Variants in NIPBL observed in about 807,000 individuals in gnomAD.
NIPBL encodes nipped-B-like protein.
A neutral mutation model predicts 321.8 loss-of-function variants in NIPBL; 19 were observed. The observed-to-expected ratio is 0.06, with a 90% CI of 0.04 to 0.09. The LOEUF (loss-of-function observed/expected upper bound fraction) is 0.09, where lower values mean the gene tolerates loss of function less well. Among genes scored for constraint, NIPBL ranks in the 10% least tolerant of loss-of-function variants. The pLI, the probability that NIPBL is intolerant of heterozygous loss-of-function variation, is 1.00. For synonymous variants in NIPBL, 1,106 were observed against 1,114.1 expected (o/e 0.99, Z 0.14); for missense variants, 2,210 against 3,327.0 (o/e 0.66, Z 8.26).
At chr5:36,893,449 G>GT (rs993892400) in intron 1 of NIPBL, among the ~76,000 whole-genome samples, 1 of 151,494 alleles carries the variant, frequency 6.6e-6, no homozygotes, top group African/African-American at 2.4e-5. Flanking sequence ...ACTTCATTTT[G>GT]TTTTTTGGCT....
intron 1 of NIPBL, among the ~76,000 whole-genome samples, chr5:36,902,971 A>G (rs1189036189): frequency 6.6e-6 from 1 of 152,126 alleles, no homozygotes; most frequent in Non-Finnish European, 1.5e-5. Flanking sequence ...TTCTCATTGT[A>G]GAGATCTTTC....
At position 36,985,436 on chromosome 5, in the gene NIPBL, A is replaced by G. The variant is rs148075057; in HGVS notation, c.2256A>G (p.Glu752=). The change falls in exon 10 of 47, where the codon GAA becomes GAG. Residue 752 remains glutamate, a synonymous_variant. Coordinates refer to ENST00000282516, the MANE Select transcript of NIPBL (RefSeq NM_133433.4). ...SRPETPKQKN[E]GRPETPKHRH... is the part of the protein sequence containing the mutation. ...CTGAAACTCCAAAGCAAAAAAATGA[A>G]GGGCGACCTGAAACACCAAAACACA... 1.5e-4 allele frequency: 250 copies of G among 1,613,708 alleles called. 1 individual carries two copies. The African/African-American group carries it at 3.1e-3, about 20-fold the overall frequency.
At chr5:37,038,982 A>G (rs1048362833) in intron 34 of NIPBL, among the ~76,000 whole-genome samples, 3 of 152,174 alleles carry the variant, frequency 2.0e-5, no homozygotes, top group African/African-American at 4.8e-5. Flanking sequence ...TGTTATAGCT[A>G]TTGTTAAGAT....
chr5:36,888,787 T>TA (rs1323223284), intron 1 of NIPBL, among the ~76,000 whole-genome samples: 1 of 152,124 alleles, frequency 6.6e-6, no homozygotes, highest in Non-Finnish European at 1.5e-5. Flanking sequence ...TGCTTGAAAT[T>TA]ATTAGTTTAA....
intron 1 of NIPBL, among the ~76,000 whole-genome samples, chr5:36,901,329 C>A (rs566040925): frequency 1.3e-5 from 2 of 152,138 alleles, no homozygotes; most frequent in Admixed American, 1.3e-4. Context: ...ACCATATTTT[C>A]TTTATCCAGT....
At chr5:36,916,285 A>G (rs1300356463) in intron 1 of NIPBL, among the ~76,000 whole-genome samples, 1 of 152,144 alleles carries the variant, frequency 6.6e-6, no homozygotes, top group Non-Finnish European at 1.5e-5. Flanking sequence ...TTTCACAGTT[A>G]CTTACTAACT....
Position 37,046,133 on chromosome 5 carries a change from G to T in NIPBL, c.6523G>T (p.Glu2175Ter). ...SKVNIKDKVLELLMYFTKHSD... is the reference protein window; with the variant it reads ...SKVNIKDKVL ...GGTTAACATAAAAGATAAAGTACTTGAACTATTGATGTATTTTACAAAACA... is the reference window on the plus strand; with the variant it reads ...GGTTAACATAAAAGATAAAGTACTTTAACTATTGATGTATTTTACAAAACA... Residue 2175 changes from glutamate (E) to a stop codon, truncating the protein, a stop_gained, in exon 38 of 47, where the codon GAA (glutamate) becomes TAA (stop). Transcript: ENST00000282516. LOFTEE classifies it high-confidence loss of function. 6.4e-7 allele frequency: 1 copy of T among 1,556,194 alleles called. No individual in the cohort carries two copies. Among genetic ancestry groups the T allele is most frequent in the South Asian group, 1.1e-5 (1 of 89,866 alleles).
intron 30 of NIPBL, among the ~76,000 whole-genome samples, chr5:37,025,288 T>G (rs1294526324): frequency 6.6e-6 from 1 of 152,186 alleles, no homozygotes; most frequent in Non-Finnish European, 1.5e-5. Flanking sequence ...ATTTATTGAT[T>G]GTTATTATAA....
chr5:36,923,384 A>G (rs1385197867), intron 1 of NIPBL, among the ~76,000 whole-genome samples: 2 of 152,060 alleles, frequency 1.3e-5, no homozygotes, highest in African/African-American at 2.4e-5. Context: ...TGAGATATAT[A>G]TATATTTTTT....
intron 9 of NIPBL, among the ~76,000 whole-genome samples, chr5:36,978,058 GATAAA>G (rs1489195217): frequency 6.6e-6 from 1 of 151,932 alleles, no homozygotes; most frequent in Non-Finnish European, 1.5e-5. Context: ...ATAGTGCTGT[GATAAA>G]CATATGAGTG....
At position 37,022,366 on chromosome 5, in the gene NIPBL, T is replaced by C. The variant is rs757029751; in HGVS notation, c.5550T>C (p.Tyr1850=). 1.9e-6 allele frequency: 3 copies of C among 1,609,718 alleles called. No homozygotes were observed. The highest frequency in any genetic ancestry group is 2.2e-5 in the East Asian group (1 of 44,770). Residue 1850 remains tyrosine, a synonymous_variant, in exon 29 of 47, where the codon TAT becomes TAC. Coordinates refer to ENST00000282516, the MANE Select transcript of NIPBL (RefSeq NM_133433.4). ...GACCTCAGCTTGCTGAACAGTATTATGATATGCTGATTGAAAGAATATTGG... is the reference window on the plus strand; with the variant it reads ...GACCTCAGCTTGCTGAACAGTATTACGATATGCTGATTGAAAGAATATTGG... ...LCRPQLAEQY[Y]DMLIERILDT...
At position 37,045,312 on chromosome 5, in the gene NIPBL, T is replaced by C. The variant is rs1752859538; in HGVS notation, c.6344-131T>C. ...GAGGTTGCAGTGAGCCAAGATCATG[T>C]CACTGCACTCCAGCCTGGGTGACAG... is the stretch of plus-strand genomic sequence containing the variant. On this transcript the variant is annotated intron_variant, in intron 36 of 46. Transcript: ENST00000282516. The C allele has an allele frequency of 6.1e-6, 4 of 651,620 alleles. No homozygotes were observed. In the South Asian group the frequency reaches 8.0e-5, roughly 13 times the overall value. The allele number at this position is 651,620 out of a possible 1,614,324, so 40.4% of individuals were successfully genotyped here.
At chr5:36,924,276 GATTA>G (rs1363062029) in intron 1 of NIPBL, among the ~76,000 whole-genome samples, 6 of 152,116 alleles carry the variant, frequency 3.9e-5, no homozygotes, top group African/African-American at 1.4e-4. Context: ...AATTATGGAT[GATTA>G]ATAAAATGTT....
In NIPBL at chr5:37,016,275, A is replaced by G. The variant is rs1748980109; in HGVS notation, c.4776+105A>G. The G allele has an allele frequency of 1.2e-5, 14 of 1,143,404 alleles. No individual in the cohort carries two copies. The South Asian group carries it at 1.7e-4, about 14-fold the overall frequency. The allele number at this position is 1,143,404 out of a possible 1,614,324, so 70.8% of individuals were successfully genotyped here. ...ATTCTTTAAAAATGTGTAAGGAAAT[A>G]TGAACATTGCATCTCTTTTTGCATG... On this transcript the variant is annotated intron_variant, in intron 23 of 46. Transcript: ENST00000282516.
chr5:36,908,112 T>C (rs1747777387), intron 1 of NIPBL, among the ~76,000 whole-genome samples: 1 of 152,196 alleles, frequency 6.6e-6, no homozygotes, highest in African/African-American at 2.4e-5. Context: ...GATTCATAAA[T>C]ATTTAATGGC....
intron 1 of NIPBL, among the ~76,000 whole-genome samples, chr5:36,906,132 A>G (rs1007143544): frequency 6.6e-6 from 1 of 152,178 alleles, no homozygotes; most frequent in African/African-American, 2.4e-5. Context: ...TAAAACATCA[A>G]TACATCATGA....
At chr5:36,878,338 A>G (rs1480327936) in intron 1 of NIPBL, among the ~76,000 whole-genome samples, 2 of 152,202 alleles carry the variant, frequency 1.3e-5, no homozygotes, top group Non-Finnish European at 2.9e-5. Flanking sequence ...GAAAAATATC[A>G]GTTCTAACTT....
In NIPBL at chr5:36,955,461, A is replaced by C. The variant is rs745647197; in HGVS notation, c.65-11A>C. The C allele has an allele frequency of 1.2e-6, 2 of 1,611,086 alleles. No individual in the cohort carries two copies. Among genetic ancestry groups the C allele is most frequent in the East Asian group, 4.5e-5 (2 of 44,832 alleles). On this transcript the variant is annotated splice_polypyrimidine_tract_variant and intron_variant, in intron 2 of 46. Transcript: ENST00000282516. ...ACTCAATTTCTAATAATCTGATTTT[A>C]TTCCAAATAGTCCTGAACCAGCTGC...
chr5:37,001,068 T>C lies in NIPBL; in HGVS notation c.3654T>C (p.Phe1218=). The change falls in exon 14 of 47, where the codon TTT becomes TTC. Residue 1218 remains phenylalanine, a synonymous_variant. Transcript: ENST00000282516. ...NILDNLEDMD[F]TAFGDDDEIP... is the part of the protein sequence containing the mutation. ...TGGATAATTTGGAAGATATGGATTTTACTGCGTTTGGTAAAATCAACTTAA... is the reference window on the plus strand; with the variant it reads ...TGGATAATTTGGAAGATATGGATTTCACTGCGTTTGGTAAAATCAACTTAA... 6.2e-7 allele frequency: 1 copy of C among 1,603,762 alleles called. No individual in the cohort carries two copies. Among genetic ancestry groups the C allele is most frequent in the South Asian group, 1.1e-5 (1 of 90,856 alleles).
Sources: gnomAD v4.1 joint callset for allele counts (sites outside exome capture counted in the v4.1 genomes callset) on GRCh38, gnomAD v4.1.1 for gene constraint, MANE v1.5 for transcripts, NCBI Gene and HGNC (gene_info 2026-07-23, HGNC 2026-07-21) for gene names.